Variants in TENM3 observed in about 807,000 individuals in gnomAD.
TENM3 encodes teneurin-3.
TENM3 carries 63 observed loss-of-function variants against 255.1 expected under a neutral mutation model. The observed-to-expected ratio is 0.25, with a 90% CI of 0.20 to 0.30. TENM3 has a LOEUF of 0.30. Ranked by LOEUF, TENM3 falls within the 10% of genes least tolerant of loss-of-function variation. The pLI is 1.00. For missense variants in TENM3, 2,929 were observed against 3,461.1 expected (o/e 0.85, Z 3.86); for synonymous variants, 1,306 against 1,322.3 (o/e 0.99, Z 0.27).
chr4:181,975,114 C>T, the TENM3 span: 1 of 147,376 alleles, frequency 6.8e-6, no homozygotes, highest in Non-Finnish European at 1.5e-5. Flanking sequence ...GATTCATTCG[C>T]TTTATGGTTG....
chr4:181,529,121 C>G, the TENM3 span, among the ~76,000 whole-genome samples: 29 of 152,250 alleles, frequency 1.9e-4, no homozygotes, highest in African/African-American at 7.0e-4. Context: ...AACATCTTGC[C>G]CAATGCTCTA....
the TENM3 span, among the ~76,000 whole-genome samples, chr4:181,769,030 C>CA: frequency 1.3e-5 from 2 of 151,972 alleles, no homozygotes; most frequent in Non-Finnish European, 2.9e-5. Flanking sequence ...TCTCTTTTAG[C>CA]AGGGAGCGCT....
chr4:182,613,248 A>G (rs1749174987), intron 4 of TENM3, among the ~76,000 whole-genome samples: 1 of 152,224 alleles, frequency 6.6e-6, no homozygotes, highest in African/African-American at 2.4e-5. Context: ...GGTGTAATTG[A>G]TATATGAAAA....
At chr4:181,489,465 G>C in the TENM3 span, among the ~76,000 whole-genome samples, 1 of 152,086 alleles carries the variant, frequency 6.6e-6, no homozygotes, top group Non-Finnish European at 1.5e-5. Context: ...AATCAATGCG[G>C]GTTCTTTACT....
intron 1 of TENM3, among the ~76,000 whole-genome samples, chr4:182,282,189 C>T (rs992468852): frequency 1.3e-5 from 2 of 152,156 alleles, no homozygotes; most frequent in African/African-American, 4.8e-5. Flanking sequence ...TACCAGTGGA[C>T]CTTGATGAAA....
At chr4:181,525,396 C>CA in the TENM3 span, among the ~76,000 whole-genome samples, 8,907 of 97,148 alleles carry the variant, frequency 0.092, 597 homozygotes, top group Admixed American at 0.24. Flanking sequence ...GACCCTGTTT[C>CA]AAAAAAAAAA....
chr4:181,793,019 TAAGAC>T, the TENM3 span, among the ~76,000 whole-genome samples: 1 of 152,110 alleles, frequency 6.6e-6, no homozygotes, highest in Non-Finnish European at 1.5e-5. Flanking sequence ...AAAAATAAAT[TAAGAC>T]AAACACTGTT....
chr4:182,410,368 T>G (rs1381026346), intron 3 of TENM3, among the ~76,000 whole-genome samples: 1 of 152,140 alleles, frequency 6.6e-6, no homozygotes, highest in East Asian at 1.9e-4. Flanking sequence ...TGGTCCTGAG[T>G]GCACACATAC....
chr4:182,542,026 G>A (rs1406279667), intron 3 of TENM3, among the ~76,000 whole-genome samples: 1 of 152,116 alleles, frequency 6.6e-6, no homozygotes, highest in African/African-American at 2.4e-5. Context: ...TCATGCCACT[G>A]CATTCCAGCC....
At chr4:181,776,005 C>T in the TENM3 span, among the ~76,000 whole-genome samples, 1 of 152,042 alleles carries the variant, frequency 6.6e-6, no homozygotes, top group Non-Finnish European at 1.5e-5. Flanking sequence ...TGCTATTGAA[C>T]ATTACATCTT....
chr4:181,996,159 TAAAAA>T, the TENM3 span, among the ~76,000 whole-genome samples: 1 of 139,030 alleles, frequency 7.2e-6, no homozygotes. Context: ...TCGCTACGGT[TAAAAA>T]AAAAAAAAAA....
At chr4:182,462,432 T>C (rs1011031917) in intron 3 of TENM3, among the ~76,000 whole-genome samples, 3 of 151,644 alleles carry the variant, frequency 2.0e-5, no homozygotes, top group Admixed American at 1.3e-4. Context: ...TTTCAGATGG[T>C]AAATCCCAGG....
intron 1 of TENM3, among the ~76,000 whole-genome samples, chr4:182,261,825 A>ATG (rs955836915): frequency 6.6e-6 from 1 of 152,220 alleles, no homozygotes; most frequent in Non-Finnish European, 1.5e-5. Flanking sequence ...CAGTCAAATC[A>ATG]TGTGGTATAA....
chr4:182,621,524 A>G (rs201048562), intron 4 of TENM3, among the ~76,000 whole-genome samples: 227 of 1,068 alleles, frequency 0.21, 3 homozygotes, highest in South Asian at 0.51. Context: ...GCACTTTGGG[A>G]GGCCAAGGCA....
intron 3 of TENM3, among the ~76,000 whole-genome samples, chr4:182,437,633 T>C (rs184695850): frequency 1.7e-4 from 26 of 152,092 alleles, no homozygotes; most frequent in African/African-American, 6.0e-4. Flanking sequence ...CCATCTCCAC[T>C]AAAAACATAA....
intron 2 of TENM3, among the ~76,000 whole-genome samples, chr4:182,329,903 T>C (rs1430422451): frequency 6.6e-6 from 1 of 152,084 alleles, no homozygotes; most frequent in Non-Finnish European, 1.5e-5. Flanking sequence ...TGAGGCACAT[T>C]CTAGAAAAAT....
chr4:182,392,093 G>C (rs932762358), intron 3 of TENM3, among the ~76,000 whole-genome samples: 1 of 152,116 alleles, frequency 6.6e-6, no homozygotes, highest in Non-Finnish European at 1.5e-5. Context: ...ATACCAAATT[G>C]AATGGCTATT....
chr4:182,069,117 AC>A, the TENM3 span, among the ~76,000 whole-genome samples: 1 of 152,210 alleles, frequency 6.6e-6, no homozygotes, highest in Admixed American at 6.5e-5. Context: ...AAGTGATAAA[AC>A]TAACTAGTTC....
chr4:182,232,179 C>T (rs373911600), intron 1 of TENM3, among the ~76,000 whole-genome samples: 1 of 152,128 alleles, frequency 6.6e-6, no homozygotes, highest in African/African-American at 2.4e-5. Flanking sequence ...ACTCCTCTGT[C>T]CTTCTGGCTG....
Sources: allele counts gnomAD v4.1 joint callset (sites outside exome capture counted in the v4.1 genomes callset), GRCh38; gene constraint gnomAD v4.1.1; transcripts MANE v1.5; gene names NCBI Gene and HGNC (gene_info 2026-07-23, HGNC 2026-07-21).